The following SLC44A3 variants were observed in gnomAD, a reference collection of about 807,000 sequenced individuals.
The protein encoded by SLC44A3 is choline transporter-like protein 3.
Under a neutral mutation model 75.4 loss-of-function variants are expected in SLC44A3, and 74 were observed. The observed-to-expected ratio is 0.98, with a 90% CI of 0.81 to 1.19. The LOEUF (loss-of-function observed/expected upper bound fraction) is 1.19. SLC44A3 is among the 50% of genes most tolerant of loss of function. SLC44A3 has a pLI of 0.00. For synonymous variants in SLC44A3, 310 were observed against 296.9 expected (o/e 1.04, Z -0.45); for missense variants, 700 against 778.6 (o/e 0.90, Z 1.20).
intron 10 of SLC44A3, among the ~76,000 whole-genome samples, chr1:94,862,070 G>A (rs1210717559): frequency 5.9e-5 from 9 of 152,174 alleles, no homozygotes; most frequent in African/African-American, 1.9e-4. Flanking sequence ...AGTTACCCAG[G>A]CCAGCTAAAG....
chr1:94,878,693 G>A (rs1668599176), intron 12 of SLC44A3, among the ~76,000 whole-genome samples: 1 of 152,282 alleles, frequency 6.6e-6, no homozygotes, highest in Admixed American at 6.5e-5. Context: ...TAATGAAAAT[G>A]GTGTGGTACT....
At position 94,844,193 on chromosome 1, in the gene SLC44A3, A is replaced by G. The variant is rs558057527; in HGVS notation, c.886-1085A>G. On this transcript the variant is annotated intron_variant, in intron 8 of 14. Coordinates refer to ENST00000271227, the MANE Select transcript of SLC44A3 (RefSeq NM_001114106.3). ...TAAAATGGGAGCACACAAGAGGGGAACCTAACTTACTCTTGGAAAGTCTAG... is the reference window on the plus strand; with the variant it reads ...TAAAATGGGAGCACACAAGAGGGGAGCCTAACTTACTCTTGGAAAGTCTAG... Among the ~76,000 whole-genome samples the G allele has an allele frequency of 1.3e-3, 202 of 152,294 alleles. 1 individual carries two copies. Among genetic ancestry groups the G allele is most frequent in the African/African-American group, 4.5e-3 (187 of 41,564 alleles).
In SLC44A3 at chr1:94,864,779, G is replaced by A. The variant is rs149609295; in HGVS notation, c.1275G>A (p.Ser425=). The A allele has an allele frequency of 1.5e-4, 242 of 1,613,300 alleles. 1 individual carries two copies. In the South Asian group the frequency reaches 2.2e-3, roughly 15 times the overall value. Residue 425 remains serine, a synonymous_variant, in exon 11 of 15, where the codon TCG becomes TCA. Coordinates refer to ENST00000271227, the MANE Select transcript of SLC44A3 (RefSeq NM_001114106.3). ...ATCCTCCTGATCATCCCATCCTTTC[G>A]TCTCTCTCCATTCTCTTCTTCTACC... is the stretch of plus-strand genomic sequence containing the variant. ...KNDPPDHPIL[S]SLSILFFYHQ...
intron 5 of SLC44A3, among the ~76,000 whole-genome samples, chr1:94,833,265 A>G (rs1344420159): frequency 2.0e-5 from 3 of 152,150 alleles, no homozygotes; most frequent in African/African-American, 7.2e-5. Flanking sequence ...GGCTTGGGAG[A>G]TGTCCCGGCC....
chr1:94,820,807 C>T (rs1054013383), intron 1 of SLC44A3, 142 bp from the exon 2 acceptor site: 12 of 1,303,654 alleles, frequency 9.2e-6, no homozygotes, highest in African/African-American at 4.5e-5. Flanking sequence ...CTTCAGGTGG[C>T]CACGTAAAAA....
chr1:94,889,630 A>AG (rs1312318714), intron 12 of SLC44A3, among the ~76,000 whole-genome samples: 1 of 152,192 alleles, frequency 6.6e-6, no homozygotes, highest in African/African-American at 2.4e-5. Context: ...GGAAATCAAG[A>AG]GTTCATTGCA....
At chr1:94,826,822 T>C (rs1432590932) in intron 3 of SLC44A3, among the ~76,000 whole-genome samples, 4 of 152,124 alleles carry the variant, frequency 2.6e-5, no homozygotes, top group African/African-American at 9.7e-5. Context: ...TCTCAAGGTC[T>C]CTCCCATAAA....
intron 5 of SLC44A3, among the ~76,000 whole-genome samples, chr1:94,833,107 A>C (rs1024735532): frequency 6.6e-6 from 1 of 152,152 alleles, no homozygotes; most frequent in Non-Finnish European, 1.5e-5. Flanking sequence ...GGCTGTAGTC[A>C]GCCTCCCTTC....
At chr1:94,843,139 G>A (rs1378145333) in intron 8 of SLC44A3, 2 of 152,298 alleles carry the variant, frequency 1.3e-5, no homozygotes, top group African/African-American at 2.4e-5. Context: ...GGAGGGTCCA[G>A]TTCCTCCGTC....
intron 10 of SLC44A3, among the ~76,000 whole-genome samples, chr1:94,861,095 A>G (rs1033736988): frequency 6.6e-6 from 1 of 152,270 alleles, no homozygotes; most frequent in Admixed American, 6.5e-5. Flanking sequence ...AGAAAAAAAA[A>G]GTTGTACAGG....
intron 5 of SLC44A3, among the ~76,000 whole-genome samples, chr1:94,835,548 TA>T (rs2101009490): frequency 6.6e-6 from 1 of 152,364 alleles, no homozygotes; most frequent in East Asian, 1.9e-4. Context: ...TTTGTAACTC[TA>T]AAATTATTCA....
intron 12 of SLC44A3, among the ~76,000 whole-genome samples, chr1:94,874,070 T>C (rs1403583944): frequency 2.6e-5 from 4 of 151,822 alleles, no homozygotes. Flanking sequence ...AGAAAGAAGC[T>C]CACATGTGTG....
At chr1:94,866,657 T>G (rs1041174248) in intron 11 of SLC44A3, among the ~76,000 whole-genome samples, 1 of 152,214 alleles carries the variant, frequency 6.6e-6, no homozygotes, top group Non-Finnish European at 1.5e-5. Flanking sequence ...GGCTGAGTTA[T>G]TCCTGGGGTC....
At chr1:94,838,368 T>C (rs1571217298) in intron 6 of SLC44A3, among the ~76,000 whole-genome samples, 1 of 152,194 alleles carries the variant, frequency 6.6e-6, no homozygotes, top group African/African-American at 2.4e-5. Context: ...CTGCTTTGGG[T>C]TGTAGACAGG....
At chr1:94,821,763 G>A (rs12048841) in intron 2 of SLC44A3, among the ~76,000 whole-genome samples, 55,265 of 152,104 alleles carry the variant, frequency 0.36, 10,310 homozygotes, top group East Asian at 0.58. Flanking sequence ...CATGCTATTT[G>A]CTGCATGGTA....
intron 12 of SLC44A3, among the ~76,000 whole-genome samples, chr1:94,874,353 T>C (rs1046326568): frequency 1.3e-5 from 2 of 152,190 alleles, no homozygotes; most frequent in Non-Finnish European, 2.9e-5. Context: ...TGTGGGCATG[T>C]TACAAGACTC....
intron 12 of SLC44A3, among the ~76,000 whole-genome samples, chr1:94,887,861 C>G (rs1381923845): frequency 6.6e-6 from 1 of 152,070 alleles, no homozygotes; most frequent in Non-Finnish European, 1.5e-5. Context: ...TTCCTGGATC[C>G]CTGTGGGTGT....
intron 12 of SLC44A3, among the ~76,000 whole-genome samples, chr1:94,879,427 G>A (rs1414747068): frequency 2.6e-5 from 4 of 151,976 alleles, no homozygotes; most frequent in Non-Finnish European, 5.9e-5. Flanking sequence ...AGCTACTTGG[G>A]AGGCTGAAGC....
At chr1:94,876,924 T>C (rs1052299458) in intron 12 of SLC44A3, among the ~76,000 whole-genome samples, 3 of 152,140 alleles carry the variant, frequency 2.0e-5, no homozygotes, top group African/African-American at 7.2e-5. Context: ...CTCCCATCTT[T>C]ATGGCCACTC....
Sources: allele counts gnomAD v4.1 joint callset (sites outside exome capture counted in the v4.1 genomes callset), GRCh38; gene constraint gnomAD v4.1.1; transcripts MANE v1.5; gene names NCBI Gene and HGNC (gene_info 2026-07-23, HGNC 2026-07-21).